The following MUCL1 variants were observed in gnomAD, a reference collection of about 807,000 sequenced individuals.
The protein encoded by MUCL1 is mucin-like protein 1.
A neutral mutation model predicts 9.2 loss-of-function variants in MUCL1; 11 were observed. The observed-to-expected ratio is 1.19, with a 90% CI of 0.75 to 1.97. The LOEUF (loss-of-function observed/expected upper bound fraction) is 1.97, where lower values mean the gene tolerates loss of function less well. Among genes scored for constraint, MUCL1 ranks in the 30% most tolerant of loss-of-function variants. The pLI, the probability that MUCL1 is intolerant of heterozygous loss-of-function variation, is 0.00. For synonymous variants in MUCL1, 48 were observed against 40.5 expected (o/e 1.19, Z -0.71); for missense variants, 144 against 110.9 (o/e 1.30, Z -1.34).
chr12:54,855,057 C>T lies in MUCL1; in HGVS notation c.59-59C>T. On this transcript the variant is annotated intron_variant, in intron 1 of 3. Coordinates refer to ENST00000308796, the MANE Select transcript of MUCL1 (RefSeq NM_058173.3). ...GGAATATTGTCCATATTCTCTCTTA[C>T]CTCCATCCTCCAAACTGGTATTCAG... The T allele has an allele frequency of 2.1e-6, 3 of 1,451,004 alleles. No homozygotes were observed. In the South Asian group the frequency reaches 3.5e-5, roughly 17 times the overall value. 89.9% of individuals were successfully genotyped at this position (1,451,004 alleles called of 1,614,324 possible).
At chr12:54,834,757 A>G (rs1289948916), upstream of MUCL1, among the ~76,000 whole-genome samples, 1 of 151,974 alleles carries the variant, frequency 6.6e-6, no homozygotes, top group Admixed American at 6.6e-5. Flanking sequence ...TATATTTTTT[A>G]TTTCAATAAT....
At position 54,855,120 on chromosome 12, in the gene MUCL1, T is replaced by A; in HGVS notation, c.63T>A (p.Asn21Lys). The change falls in exon 2 of 4, where the codon AAT becomes AAA. Residue 21 changes from asparagine to lysine, a missense_variant. By Grantham distance (94) the Asn-to-Lys change is moderately conservative. Coordinates refer to ENST00000308796, the MANE Select transcript of MUCL1 (RefSeq NM_058173.3). ...GVSIFLVSAQ[N>K]PTTAAPADTY... The stretch of plus-strand genomic sequence containing the variant: ...TTTTTCCTTCTTCTCTTTCAGAGAA[T>A]CCGACAACAGCTGCTCCAGCTGACA... 6.2e-7 allele frequency: 1 copy of A among 1,613,286 alleles called. No individual in the cohort carries two copies. Among genetic ancestry groups the A allele is most frequent in the Non-Finnish European group, 8.5e-7 (1 of 1,179,574 alleles).
At chr12:54,851,348 G>T (rs1445894176), upstream of MUCL1, among the ~76,000 whole-genome samples, 8 of 152,054 alleles carry the variant, frequency 5.3e-5, no homozygotes, top group Non-Finnish European at 1.2e-4. Context: ...TGCAAGGCTG[G>T]TTAACATATG....
At chr12:54,830,995 A>G (rs959869840) in intron 1 of MUCL1, 5 of 152,210 alleles carry the variant, frequency 3.3e-5, no homozygotes, top group African/African-American at 1.2e-4. Flanking sequence ...GTGAACAGAT[A>G]TCCTTAATTT....
intron 1 of MUCL1, among the ~76,000 whole-genome samples, chr12:54,846,018 T>A (rs1378042548): frequency 6.6e-6 from 1 of 152,202 alleles, no homozygotes; most frequent in Non-Finnish European, 1.5e-5. Context: ...TAGCTTTTTT[T>A]ATGTTTTAAG....
intron 1 of MUCL1, among the ~76,000 whole-genome samples, chr12:54,847,688 G>C (rs765912274): frequency 1.3e-5 from 2 of 152,108 alleles, no homozygotes; most frequent in Admixed American, 6.5e-5. Flanking sequence ...AGGCAATAAT[G>C]GGTATTATGA....
At chr12:54,836,153 G>C (rs771661711), upstream of MUCL1, among the ~76,000 whole-genome samples, 20 of 152,170 alleles carry the variant, frequency 1.3e-4, no homozygotes, top group Non-Finnish European at 2.4e-4. Flanking sequence ...GTTTCAGTAA[G>C]ATTGCTGTCA....
chr12:54,857,021 G>A, intron 3 of MUCL1, 129 bp downstream of exon 3: 1 of 1,381,686 alleles, frequency 7.2e-7, no homozygotes, highest in Non-Finnish European at 9.8e-7. Context: ...CTAAATCCTT[G>A]TAGTTTCTAA....
At chr12:54,851,711 G>A (rs1386458289), upstream of MUCL1, among the ~76,000 whole-genome samples, 4 of 152,190 alleles carry the variant, frequency 2.6e-5, no homozygotes, top group Non-Finnish European at 4.4e-5. Flanking sequence ...AAAAGAGGAA[G>A]TCAAATTGTC....
chr12:54,852,287 T>C (rs1868257452), upstream of MUCL1, among the ~76,000 whole-genome samples: 1 of 152,126 alleles, frequency 6.6e-6, no homozygotes, highest in African/African-American at 2.4e-5. Flanking sequence ...CAAAACAGCA[T>C]GGTACTGGTA....
At chr12:54,840,163 T>C (rs1267844893) in intron 1 of MUCL1, among the ~76,000 whole-genome samples, 1 of 152,120 alleles carries the variant, frequency 6.6e-6, no homozygotes, top group Non-Finnish European at 1.5e-5. Flanking sequence ...TCCAGTGATG[T>C]GATATGTCCT....
chr12:54,842,391 A>G (rs750205617), intron 1 of MUCL1, among the ~76,000 whole-genome samples: 5 of 152,138 alleles, frequency 3.3e-5, no homozygotes, highest in Non-Finnish European at 4.4e-5. Context: ...TTTTTAATTG[A>G]CAAAAATTGT....
At chr12:54,830,886 G>T (rs1026981466) in intron 1 of MUCL1, 3 of 152,160 alleles carry the variant, frequency 2.0e-5, no homozygotes, top group African/African-American at 7.2e-5. Flanking sequence ...GTGAGTGTTG[G>T]ATACACACAA....
At chr12:54,850,309 C>G (rs12422500), upstream of MUCL1, among the ~76,000 whole-genome samples, 1 of 132,390 alleles carries the variant, frequency 7.6e-6, no homozygotes, top group Non-Finnish European at 1.6e-5. Context: ...TCCCTCCCCC[C>G]TCCCCCCACC....
upstream of MUCL1, among the ~76,000 whole-genome samples, chr12:54,851,993 A>G (rs1222078883): frequency 1.3e-5 from 2 of 152,204 alleles, no homozygotes; most frequent in Non-Finnish European, 2.9e-5. Context: ...ATCACTGCTC[A>G]ATGAAATAAA....
At chr12:54,848,530 G>A (rs1220892258) in intron 1 of MUCL1, among the ~76,000 whole-genome samples, 1 of 152,008 alleles carries the variant, frequency 6.6e-6, no homozygotes, top group African/African-American at 2.4e-5. Context: ...TATTAGATTG[G>A]AAAACTTTTT....
upstream of MUCL1, among the ~76,000 whole-genome samples, chr12:54,839,197 A>T (rs1357515737): frequency 6.6e-6 from 1 of 152,102 alleles, no homozygotes; most frequent in Non-Finnish European, 1.5e-5. Context: ...CTCTGTAGGA[A>T]TTCCTTGGTT....
upstream of MUCL1, among the ~76,000 whole-genome samples, chr12:54,834,750 AT>A (rs1180893545): frequency 2.0e-5 from 3 of 152,018 alleles, no homozygotes; most frequent in South Asian, 2.1e-4. Context: ...AAATATATAT[AT>A]TTTTTATTTC....
upstream of MUCL1, among the ~76,000 whole-genome samples, chr12:54,838,341 T>C (rs1337325936): frequency 6.6e-6 from 1 of 152,186 alleles, no homozygotes. Context: ...TCTGATGCTT[T>C]TGTCTCACTG....
Sources: gnomAD v4.1 joint callset for allele counts (sites outside exome capture counted in the v4.1 genomes callset) on GRCh38, gnomAD v4.1.1 for gene constraint, MANE v1.5 for transcripts, NCBI Gene and HGNC (gene_info 2026-07-23, HGNC 2026-07-21) for gene names.